Variants in TIPARP observed in about 807,000 individuals in gnomAD.
The protein encoded by TIPARP is protein mono-ADP-ribosyltransferase TIPARP.
Under a neutral mutation model 56.5 loss-of-function variants are expected in TIPARP, and 12 were observed. The observed-to-expected ratio is 0.21, with a 90% CI of 0.14 to 0.34. The LOEUF is 0.34. Among genes scored for constraint, TIPARP ranks in the 10% least tolerant of loss-of-function variants. TIPARP has a pLI of 1.00. For missense variants in TIPARP, 604 were observed against 781.6 expected (o/e 0.77, Z 2.71); for synonymous variants, 296 against 265.7 (o/e 1.11, Z -1.11).
Position 156,705,922 on chromosome 3 carries a change from G to A in TIPARP, c.*791G>A, listed in dbSNP as rs928048832. On this transcript the variant is annotated 3_prime_UTR_variant, in exon 6 of 6. Transcript: ENST00000295924. ...TTGAAGGAGTTGGGCAGCTAATTTG[G>A]TTAAAGGCAGTCTTGAGGGTTAGAA... 1 of 152,624 alleles carries A rather than the reference G, an allele frequency of 6.6e-6. No homozygotes were observed. The highest frequency in any genetic ancestry group is 1.5e-5 in the Non-Finnish European group (1 of 68,038). 9.5% of individuals were successfully genotyped at this position (152,624 alleles called of 1,614,324 possible). A position where few individuals can be genotyped will look rare whatever the true frequency, so the allele number is the denominator to read the frequency against.
chr3:156,677,665 G>T lies in TIPARP; in HGVS notation c.-33G>T. Reference sequence around the variant, plus strand: ...CCTTCCTTTCCTCGTAGGATTTTTAGACTCTGAGGAGCAGTTGGAGCTAAT... The same window carrying T: ...CCTTCCTTTCCTCGTAGGATTTTTATACTCTGAGGAGCAGTTGGAGCTAAT... On this transcript the variant is annotated 5_prime_UTR_variant, in exon 2 of 6. Coordinates refer to ENST00000295924, the MANE Select transcript of TIPARP (RefSeq NM_015508.5). The T allele has an allele frequency of 6.6e-7, 1 of 1,516,892 alleles. No homozygotes were observed. The highest frequency in any genetic ancestry group is 2.3e-5 in the East Asian group (1 of 44,004). 94.0% of individuals were successfully genotyped at this position (1,516,892 alleles called of 1,614,324 possible). A position where few individuals can be genotyped will look rare whatever the true frequency, so the allele number is the denominator to read the frequency against.
At chr3:156,681,453 A>G (rs1056765573) in intron 2 of TIPARP, among the ~76,000 whole-genome samples, 3 of 152,196 alleles carry the variant, frequency 2.0e-5, no homozygotes, top group Non-Finnish European at 4.4e-5. Flanking sequence ...ATACTTGGGG[A>G]AAGTTCATAG....
intron 1 of TIPARP, among the ~76,000 whole-genome samples, chr3:156,677,125 C>T (rs1345532838): frequency 2.6e-5 from 4 of 152,124 alleles, no homozygotes; most frequent in African/African-American, 9.7e-5. Flanking sequence ...AATTGAGAGC[C>T]CCTGTTACTT....
chr3:156,698,145 C>G (rs1295330717), intron 4 of TIPARP, among the ~76,000 whole-genome samples: 1 of 152,022 alleles, frequency 6.6e-6, no homozygotes. Context: ...CTTTCAAGGC[C>G]GAGAGAGGTG....
At chr3:156,688,492 G>GC (rs983892503) in intron 2 of TIPARP, among the ~76,000 whole-genome samples, 19 of 144,794 alleles carry the variant, frequency 1.3e-4, no homozygotes, top group Admixed American at 8.2e-4. Context: ...GCCCCCCCCC[G>GC]CAATAAGTAG....
chr3:156,683,551 T>G (rs1722356447), intron 2 of TIPARP, among the ~76,000 whole-genome samples: 1 of 152,144 alleles, frequency 6.6e-6, no homozygotes, highest in Non-Finnish European at 1.5e-5. Context: ...AATTTCATTC[T>G]GCACATAGTG....
intron 4 of TIPARP, among the ~76,000 whole-genome samples, chr3:156,700,211 G>T (rs560036640): frequency 2.8e-4 from 42 of 152,100 alleles, no homozygotes; most frequent in African/African-American, 9.4e-4. Context: ...GGGTTCAAGT[G>T]ATCCTCCTGC....
Position 156,703,458 on chromosome 3 carries a change from C to T in TIPARP, c.1282C>T (p.Pro428Ser), listed in dbSNP as rs774571724. 7.1e-5 allele frequency: 115 copies of T among 1,614,118 alleles called. No homozygotes were observed. The highest frequency in any genetic ancestry group is 9.4e-5 in the Non-Finnish European group (111 of 1,180,052). ...LGGVPTQAPP[P>S]LEATSSSQII... ...TGGGGTTCCCACACAAGCTCCTCCA[C>T]CTCTTGAAGCAACTTCATCATCACA... Residue 428 changes from proline to serine, a missense_variant, in exon 5 of 6, where the codon CCT (proline) becomes TCT (serine). Physicochemically the swap from Pro to Ser is moderately conservative, Grantham distance 74. Coordinates refer to ENST00000295924, the MANE Select transcript of TIPARP (RefSeq NM_015508.5).
intron 4 of TIPARP, 79 bp from the exon 5 acceptor site, chr3:156,703,345 C>A: frequency 7.2e-7 from 1 of 1,391,130 alleles, no homozygotes; most frequent in Non-Finnish European, 9.8e-7. Flanking sequence ...ATTAAGTAGA[C>A]ACTGATATAG....
intron 2 of TIPARP, among the ~76,000 whole-genome samples, chr3:156,682,096 A>C (rs751897120): frequency 6.6e-6 from 1 of 152,332 alleles, no homozygotes; most frequent in East Asian, 1.9e-4. Context: ...TTAGCAAACA[A>C]GATCACCACT....
At chr3:156,685,318 C>A (rs1475053934) in intron 2 of TIPARP, among the ~76,000 whole-genome samples, 1 of 152,188 alleles carries the variant, frequency 6.6e-6, no homozygotes. Flanking sequence ...ACTGGTAACA[C>A]CCACTTGACA....
At position 156,693,998 on chromosome 3, in the gene TIPARP, TTTTG is replaced by T. The variant is rs777458419; in HGVS notation, c.918-18_918-15del. Reference sequence around the variant, plus strand: ...ATTTATTAACAGGTTTTTGGGTTTTTTTTGTTTTTGTTTTTTTTTAGAGGACAAG... The same window carrying T: ...ATTTATTAACAGGTTTTTGGGTTTTTTTTTTGTTTTTTTTTAGAGGACAAG... On this transcript the variant is annotated intron_variant, in intron 2 of 5. Coordinates refer to ENST00000295924, the MANE Select transcript of TIPARP (RefSeq NM_015508.5). 1.3e-5 allele frequency: 20 copies of T among 1,570,748 alleles called. No individual in the cohort carries two copies. The highest frequency in any genetic ancestry group is 1.7e-5 in the Non-Finnish European group (20 of 1,165,450).
Position 156,695,912 on chromosome 3 carries a change from G to A in TIPARP, c.1134G>A (p.Glu378=). ...IEEANSRGLK[E]VRFMMWNNHY... is the part of the protein sequence containing the mutation. ...AAGCCAACTCTCGGGGTCTGAAAGAGGTTCGATTTATGATGTGGAATAACC... is the reference window on the plus strand; with the variant it reads ...AAGCCAACTCTCGGGGTCTGAAAGAAGTTCGATTTATGATGTGGAATAACC... Residue 378 remains glutamate, a synonymous_variant, in exon 4 of 6, where the codon GAG becomes GAA. Coordinates refer to ENST00000295924, the MANE Select transcript of TIPARP (RefSeq NM_015508.5). The A allele has an allele frequency of 6.2e-7, 1 of 1,600,112 alleles. No individual in the cohort carries two copies. The highest frequency in any genetic ancestry group is 1.7e-5 in the Admixed American group (1 of 58,542).
intron 2 of TIPARP, among the ~76,000 whole-genome samples, chr3:156,688,141 CT>C (rs1487881566): frequency 6.6e-6 from 1 of 152,038 alleles, no homozygotes; most frequent in African/African-American, 2.4e-5. Context: ...GTAATCTTAG[CT>C]TTTTGGAAGG....
intron 2 of TIPARP, among the ~76,000 whole-genome samples, chr3:156,686,576 T>C (rs1301984746): frequency 4.6e-5 from 7 of 152,224 alleles, no homozygotes; most frequent in African/African-American, 1.2e-4. Flanking sequence ...CCAATGAGTA[T>C]ATTTCTGATT....
At chr3:156,700,916 G>A (rs1722829885) in intron 4 of TIPARP, among the ~76,000 whole-genome samples, 1 of 152,204 alleles carries the variant, frequency 6.6e-6, no homozygotes, top group Non-Finnish European at 1.5e-5. Flanking sequence ...GAAGGCTGGT[G>A]TCCGTCTGTG....
intron 5 of TIPARP, among the ~76,000 whole-genome samples, chr3:156,704,173 A>G (rs988441999): frequency 4.6e-5 from 7 of 152,176 alleles, no homozygotes; most frequent in African/African-American, 1.2e-4. Context: ...GATTATTACA[A>G]TTTATATCCT....
intron 2 of TIPARP, among the ~76,000 whole-genome samples, chr3:156,682,405 G>T (rs1371315601): frequency 6.6e-6 from 1 of 152,172 alleles, no homozygotes; most frequent in East Asian, 1.9e-4. Flanking sequence ...AGGCTAGAGT[G>T]TTGTCATAGT....
intron 2 of TIPARP, among the ~76,000 whole-genome samples, chr3:156,693,585 CTG>C (rs1185956140): frequency 1.3e-5 from 2 of 151,974 alleles, no homozygotes; most frequent in Admixed American, 6.6e-5. Flanking sequence ...CTGTGTATTC[CTG>C]TATTGGCTCA....
Sources: allele counts gnomAD v4.1 joint callset (sites outside exome capture counted in the v4.1 genomes callset), GRCh38; gene constraint gnomAD v4.1.1; transcripts MANE v1.5; gene names NCBI Gene and HGNC (gene_info 2026-07-23, HGNC 2026-07-21).